Variants in NOL4 observed in about 807,000 individuals in gnomAD.
NOL4 encodes the protein cancer/testis antigen 125.
A neutral mutation model predicts 75.9 loss-of-function variants in NOL4; 17 were observed. The observed-to-expected ratio is 0.22, with a 90% CI of 0.15 to 0.34. NOL4 has a LOEUF of 0.34. NOL4 is among the 10% of genes least tolerant of loss of function. NOL4 has a pLI of 1.00. For synonymous variants in NOL4, 292 were observed against 289.9 expected, an observed-to-expected ratio of 1.01 and a Z score of -0.07; for missense variants, 614 against 793.5, an observed-to-expected ratio of 0.77 and a Z score of 2.72.
At chr18:33,872,108 G>A (rs1232587419) in intron 10 of NOL4, among the ~76,000 whole-genome samples, 1 of 151,806 alleles carries the variant, frequency 6.6e-6, no homozygotes, top group Non-Finnish European at 1.5e-5. Context: ...TTAAATTATA[G>A]GTCATTATCA....
intron 6 of NOL4, among the ~76,000 whole-genome samples, chr18:33,997,127 T>C (rs1372067693): frequency 6.6e-6 from 1 of 151,930 alleles, no homozygotes; most frequent in Non-Finnish European, 1.5e-5. Flanking sequence ...TTTTGTTGCA[T>C]TTATTTTTGA....
chr18:34,128,329 A>G (rs770757427), intron 2 of NOL4, among the ~76,000 whole-genome samples: 4 of 151,990 alleles, frequency 2.6e-5, no homozygotes, highest in African/African-American at 9.6e-5. Flanking sequence ...TTCATTTAAT[A>G]CAATTGAAAT....
chr18:34,146,054 G>C (rs765589033), intron 1 of NOL4, among the ~76,000 whole-genome samples: 3 of 152,008 alleles, frequency 2.0e-5, no homozygotes, highest in Non-Finnish European at 2.9e-5. Context: ...ACACTGCTTG[G>C]CCATATGTGC....
At chr18:34,156,086 T>C (rs2146125482) in intron 1 of NOL4, among the ~76,000 whole-genome samples, 1 of 152,282 alleles carries the variant, frequency 6.6e-6, no homozygotes, top group South Asian at 2.1e-4. Flanking sequence ...ATGATGCCTT[T>C]CCTCTTCTGA....
chr18:33,872,351 C>G (rs1470962135), intron 10 of NOL4, among the ~76,000 whole-genome samples: 2 of 152,016 alleles, frequency 1.3e-5, no homozygotes, highest in African/African-American at 2.4e-5. Flanking sequence ...TAGTTCTTCT[C>G]AGAACCTTAA....
intron 1 of NOL4, among the ~76,000 whole-genome samples, chr18:34,174,796 T>C (rs922765171): frequency 1.3e-5 from 2 of 152,260 alleles, no homozygotes; most frequent in South Asian, 4.2e-4. Flanking sequence ...TCTGTTCTTA[T>C]GTGAGTTTGC....
chr18:34,066,483 T>C (rs1600463029), intron 5 of NOL4, among the ~76,000 whole-genome samples: 1 of 152,014 alleles, frequency 6.6e-6, no homozygotes, highest in Non-Finnish European at 1.5e-5. Flanking sequence ...GGAGATCTGT[T>C]ACAAACAATA....
At chr18:34,028,135 G>A (rs968391786) in intron 5 of NOL4, among the ~76,000 whole-genome samples, 2 of 152,132 alleles carry the variant, frequency 1.3e-5, no homozygotes, top group Non-Finnish European at 2.9e-5. Flanking sequence ...AATTAATCAA[G>A]AGCTGGTCAT....
chr18:33,922,572 T>A (rs1381679327), intron 9 of NOL4, among the ~76,000 whole-genome samples: 3 of 152,206 alleles, frequency 2.0e-5, no homozygotes, highest in African/African-American at 7.2e-5. Flanking sequence ...CTTTAGTCAG[T>A]TGCATCTCAA....
At chr18:33,885,075 A>G (rs2064553833) in intron 9 of NOL4, among the ~76,000 whole-genome samples, 2 of 152,136 alleles carry the variant, frequency 1.3e-5, no homozygotes, top group Admixed American at 6.6e-5. Context: ...AAGTAAAAAT[A>G]AGAAAAAAAT....
At chr18:34,078,971 T>C (rs2145365133) in intron 5 of NOL4, among the ~76,000 whole-genome samples, 1 of 152,246 alleles carries the variant, frequency 6.6e-6, no homozygotes, top group Non-Finnish European at 1.5e-5. Flanking sequence ...GGTCATCAAC[T>C]CAACTGTACA....
In NOL4 at chr18:34,191,598, T is replaced by C. The variant is rs77402101; in HGVS notation, c.264+31392A>G. On this transcript the variant is annotated intron_variant, in intron 1 of 10. Coordinates refer to ENST00000261592, the MANE Select transcript of NOL4 (RefSeq NM_003787.5). ...ATGACTTCAGAAGTCTCCGGCTTCA[T>C]GTTTGCTTGCCGTGTCAAGCAAAGA... 1.1e-3 allele frequency among the ~76,000 whole-genome samples: 173 copies of C among 152,270 alleles called. 2 individuals carry two copies. In the East Asian group the frequency reaches 0.025, roughly 22 times the overall value.
chr18:34,111,125 T>C (rs528890049), intron 2 of NOL4, among the ~76,000 whole-genome samples: 11 of 152,148 alleles, frequency 7.2e-5, no homozygotes, highest in Non-Finnish European at 8.8e-5. Context: ...TTGGCCCTTG[T>C]ATCACACCTT....
At chr18:34,146,837 C>T (rs2081420057) in intron 1 of NOL4, among the ~76,000 whole-genome samples, 1 of 151,756 alleles carries the variant, frequency 6.6e-6, no homozygotes, top group African/African-American at 2.4e-5. Context: ...GACATTGATT[C>T]TTCCTAACCA....
chr18:34,090,154 C>A (rs1048692752), intron 5 of NOL4, among the ~76,000 whole-genome samples: 1 of 151,726 alleles, frequency 6.6e-6, no homozygotes, highest in Admixed American at 6.6e-5. Flanking sequence ...TAGGAGAGTA[C>A]CATTGTCAGA....
At chr18:34,139,788 T>A (rs1364642997) in intron 1 of NOL4, among the ~76,000 whole-genome samples, 2 of 152,208 alleles carry the variant, frequency 1.3e-5, no homozygotes, top group Non-Finnish European at 2.9e-5. Flanking sequence ...CAATTTTAGA[T>A]CTTTCCTGCT....
At position 34,178,330 on chromosome 18, in the gene NOL4, C is replaced by T. The variant is rs182688370; in HGVS notation, c.264+44660G>A. ...AAGGAAGACAGTAAAGAAGGAATTG[C>T]GGGGAAGAAAAACAGACACAGACAT... is the stretch of plus-strand genomic sequence containing the variant. On this transcript the variant is annotated intron_variant, in intron 1 of 10. Coordinates refer to ENST00000261592, the MANE Select transcript of NOL4 (RefSeq NM_003787.5). Among the ~76,000 whole-genome samples, 9 of 151,246 alleles carry T rather than the reference C, an allele frequency of 6.0e-5. No individual in the cohort carries two copies. In the South Asian group the frequency reaches 1.2e-3, roughly 21 times the overall value.
intron 1 of NOL4, among the ~76,000 whole-genome samples, chr18:34,176,694 T>C (rs1276059157): frequency 6.6e-6 from 1 of 152,066 alleles, no homozygotes; most frequent in East Asian, 1.9e-4. Context: ...ACCATGAAAG[T>C]ATGCAGAGAG....
intron 2 of NOL4, among the ~76,000 whole-genome samples, chr18:34,116,302 A>AC (rs371786988): frequency 2.0e-5 from 3 of 151,984 alleles, no homozygotes; most frequent in Non-Finnish European, 4.4e-5. Flanking sequence ...ATAAAAAAAA[A>AC]CAAGCAAACT....
Sources: gnomAD v4.1 joint callset for allele counts (sites outside exome capture counted in the v4.1 genomes callset) on GRCh38, gnomAD v4.1.1 for gene constraint, MANE v1.5 for transcripts, NCBI Gene and HGNC (gene_info 2026-07-23, HGNC 2026-07-21) for gene names.